The following MTSS1 variants were observed in gnomAD, a reference collection of about 807,000 sequenced individuals.
MTSS1 encodes MTSS I-BAR domain containing 1.
In MTSS1, 18 loss-of-function variants were observed where a neutral mutation model predicts 79.0. The ratio of observed to expected loss-of-function variants is 0.23; its 90% confidence interval spans 0.16 to 0.34. The LOEUF (loss-of-function observed/expected upper bound fraction) is 0.34, where lower values mean the gene tolerates loss of function less well. Ranked by LOEUF, MTSS1 falls within the 10% of genes least tolerant of loss-of-function variation. MTSS1 has a pLI of 1.00. For missense variants in MTSS1, 815 were observed against 986.2 expected, an observed-to-expected ratio of 0.83 and a Z score of 2.33; for synonymous variants, 341 against 368.6, an observed-to-expected ratio of 0.93 and a Z score of 0.86.
intron 3 of MTSS1, among the ~76,000 whole-genome samples, chr8:124,677,029 A>C (rs184304222): frequency 6.6e-6 from 1 of 152,030 alleles, no homozygotes; most frequent in Non-Finnish European, 1.5e-5. Flanking sequence ...AGGCACACAG[A>C]AAAAAAAGGG....
chr8:124,665,867 CAAA>C (rs61669209), intron 3 of MTSS1, among the ~76,000 whole-genome samples: 5 of 102,886 alleles, frequency 4.9e-5, no homozygotes, highest in African/African-American at 1.0e-4. Context: ...AACTCCTTCT[CAAA>C]AAAAAAAAAA....
Position 124,552,672 on chromosome 8 carries a change from C to T in MTSS1, c.*320G>A, listed in dbSNP as rs1389264421. On this transcript the variant is annotated 3_prime_UTR_variant, in exon 14 of 14. Transcript: ENST00000518547. ...TACTTCGTGGTTCCCCTGCCCCAAC[C>T]CCCTTTATGCATTTAAAATTTTACA... 3.4e-6 allele frequency: 1 copy of T among 290,608 alleles called. No homozygotes were observed. Among genetic ancestry groups the T allele is most frequent in the Non-Finnish European group, 6.4e-6 (1 of 156,352 alleles). The allele number at this position is 290,608 out of a possible 1,614,324, so 18.0% of individuals were successfully genotyped here.
chr8:124,719,536 C>T (rs1350625334), intron 1 of MTSS1, among the ~76,000 whole-genome samples: 1 of 152,188 alleles, frequency 6.6e-6, no homozygotes, highest in African/African-American at 2.4e-5. Context: ...AGACTGAGCA[C>T]TTCAGGGCAA....
intron 7 of MTSS1, 85 bp from the exon 8 acceptor site, chr8:124,567,263 T>G: frequency 5.4e-6 from 6 of 1,120,930 alleles, no homozygotes; most frequent in Non-Finnish European, 7.9e-6. Flanking sequence ...TTAGGGTCTC[T>G]GTATAACCCT....
chr8:124,699,578 AGCTGCT>A lies in MTSS1; in HGVS notation c.150_155del (p.Ala52_Ala53del). 6.2e-7 allele frequency: 1 copy of A among 1,614,206 alleles called. No individual in the cohort carries two copies. The highest frequency in any genetic ancestry group is 8.5e-7 in the Non-Finnish European group (1 of 1,180,032). Reference sequence around the variant, plus strand: ...CTTTCTGAAAGGCGTCCAAGAAGGCAGCTGCTGCTACTACTGTTGTCCTAAAATGCA... The same window carrying A: ...CTTTCTGAAAGGCGTCCAAGAAGGCAGCTACTACTGTTGTCCTAAAATGCA... On this transcript the variant is annotated inframe_deletion, in exon 3 of 14. Transcript: ENST00000518547.
chr8:124,648,458 G>A (rs982667212), intron 3 of MTSS1, among the ~76,000 whole-genome samples: 1 of 152,040 alleles, frequency 6.6e-6, no homozygotes, highest in African/African-American at 2.4e-5. Flanking sequence ...CTCACTGGAA[G>A]CTCACTTTGC....
intron 3 of MTSS1, among the ~76,000 whole-genome samples, chr8:124,695,727 T>A (rs553107132): frequency 6.6e-6 from 1 of 152,200 alleles, no homozygotes; most frequent in Non-Finnish European, 1.5e-5. Context: ...GGTGGACTTA[T>A]AGGTACTGGA....
At chr8:124,578,568 C>G (rs12546139) in intron 6 of MTSS1, among the ~76,000 whole-genome samples, 77,534 of 150,928 alleles carry the variant, frequency 0.51, 20,205 homozygotes, top group Non-Finnish European at 0.56. Context: ...GCCAAGGCAA[C>G]AGGATCACCC....
chr8:124,553,095 G>A lies in MTSS1; in HGVS notation c.2165C>T (p.Pro722Leu), dbSNP rs753432775. Residue 722 changes from proline (P) to leucine (L), a missense_variant, in exon 14 of 14, where the codon CCA (proline) becomes CTA (leucine). Around this residue, in one of 2 missense-constraint regions of MTSS1, gnomAD observed 590 missense variants for 620.8 expected, o/e 0.95. Transcript: ENST00000518547. The surrounding 1 kb of genome is among the most constrained non-coding windows in gnomAD (Gnocchi z 6.0). ...GTCTTCTCCTTGTGGAGTATCCCTT[G>A]GGCTCAGGTCTGCAGGGTCACTCTC... Reference protein sequence around the residue: ...IPESDPADLSPRDTPQGEDML... With the variant: ...IPESDPADLSLRDTPQGEDML... 1.2e-6 allele frequency: 2 copies of A among 1,614,056 alleles called. No individual in the cohort carries two copies. The highest frequency in any genetic ancestry group is 1.7e-6 in the Non-Finnish European group (2 of 1,180,022).
At chr8:124,591,506 T>A (rs1831875928) in intron 3 of MTSS1, among the ~76,000 whole-genome samples, 2 of 152,236 alleles carry the variant, frequency 1.3e-5, no homozygotes, top group South Asian at 2.1e-4. Context: ...TTCCATCTGA[T>A]TTTTTTTGTA....
At chr8:124,649,890 T>C (rs556113659) in intron 3 of MTSS1, among the ~76,000 whole-genome samples, 4 of 151,966 alleles carry the variant, frequency 2.6e-5, no homozygotes, top group Admixed American at 2.0e-4. Flanking sequence ...CTCCTAGATA[T>C]GGAAAAGACT....
intron 1 of MTSS1, among the ~76,000 whole-genome samples, chr8:124,725,772 C>A (rs1833608377): frequency 6.6e-6 from 1 of 152,184 alleles, no homozygotes; most frequent in African/African-American, 2.4e-5. Context: ...TAAAATGTCA[C>A]TGTCATCTAA....
At position 124,727,608 on chromosome 8, in the gene MTSS1, C is replaced by G. The variant is rs747592219; in HGVS notation, c.72+276G>C. On this transcript the variant is annotated intron_variant, in intron 1 of 13. Transcript: ENST00000518547. The surrounding 1 kb of genome is among the most constrained non-coding windows in gnomAD (Gnocchi z 4.7). ...ACTTGCAGCCAGTGCCTTGAGCCCC[C>G]GAGGGAAAGAAATGGTGCCGCCCCC... The G allele has an allele frequency of 9.8e-6, 6 of 609,216 alleles. No individual in the cohort carries two copies. The highest frequency in any genetic ancestry group is 1.8e-5 in the African/African-American group (1 of 54,606). 37.7% of individuals were successfully genotyped at this position (609,216 alleles called of 1,614,324 possible).
chr8:124,612,053 A>G (rs921064392), intron 3 of MTSS1, among the ~76,000 whole-genome samples: 5 of 152,076 alleles, frequency 3.3e-5, no homozygotes, highest in African/African-American at 1.2e-4. Context: ...AACCTAGCAA[A>G]TAATCTTAAT....
chr8:124,575,665 T>G (rs1334340528), intron 6 of MTSS1, among the ~76,000 whole-genome samples: 1 of 152,196 alleles, frequency 6.6e-6, no homozygotes, highest in Non-Finnish European at 1.5e-5. Flanking sequence ...GATCCCATGA[T>G]TCTTTCACTA....
intron 3 of MTSS1, among the ~76,000 whole-genome samples, chr8:124,694,472 T>C (rs1828476841): frequency 1.3e-5 from 2 of 151,964 alleles, no homozygotes; most frequent in East Asian, 1.9e-4. Flanking sequence ...TCATCTTTAA[T>C]GTCCAGAATC....
intron 3 of MTSS1, among the ~76,000 whole-genome samples, chr8:124,615,660 T>C (rs1441372148): frequency 1.3e-5 from 2 of 152,288 alleles, no homozygotes; most frequent in African/African-American, 4.8e-5. Flanking sequence ...ACTACAGAAC[T>C]CTACACTTGA....
intron 3 of MTSS1, 80 bp downstream of exon 3, chr8:124,699,446 T>A: frequency 7.7e-7 from 1 of 1,300,754 alleles, no homozygotes; most frequent in Non-Finnish European, 1.1e-6. Flanking sequence ...TTAAGCTGCA[T>A]CTTCTTGTGC....
intron 3 of MTSS1, among the ~76,000 whole-genome samples, chr8:124,596,689 T>C (rs1334443519): frequency 6.6e-6 from 1 of 152,148 alleles, no homozygotes; most frequent in African/African-American, 2.4e-5. Context: ...AAATCTGAAA[T>C]CCAGATGTCG....
Sources: allele counts gnomAD v4.1 joint callset (sites outside exome capture counted in the v4.1 genomes callset), GRCh38; gene constraint gnomAD v4.1.1; regional missense constraint gnomAD v4.1.1; non-coding constraint Gnocchi (gnomAD v3.1); transcripts MANE v1.5; gene names NCBI Gene and HGNC (gene_info 2026-07-23, HGNC 2026-07-21).